The following FAM20B variants were observed in gnomAD, a reference collection of about 807,000 sequenced individuals.
FAM20B encodes glycosaminoglycan xylosylkinase.
Under a neutral mutation model 43.8 loss-of-function variants are expected in FAM20B, and 23 were observed. The observed-to-expected ratio is 0.53, with a 90% CI of 0.38 to 0.74. The LOEUF is 0.74. Ranked by LOEUF, FAM20B falls within the 30% of genes least tolerant of loss-of-function variation. FAM20B has a pLI of 0.00. For synonymous variants in FAM20B, 178 were observed against 192.4 expected (o/e 0.93, Z 0.62); for missense variants, 440 against 510.5 (o/e 0.86, Z 1.33).
the FAM20B span, among the ~76,000 whole-genome samples, chr1:179,020,487 T>C: frequency 2.0e-5 from 3 of 152,170 alleles, no homozygotes; most frequent in African/African-American, 7.2e-5. Context: ...CTACAGAAGG[T>C]TACCAAAAGA....
At chr1:179,042,604 C>T (rs755452313) in intron 1 of FAM20B, among the ~76,000 whole-genome samples, 1 of 152,178 alleles carries the variant, frequency 6.6e-6, no homozygotes, top group Non-Finnish European at 1.5e-5. Flanking sequence ...TGCATTACAG[C>T]TCTTTCAGTC....
chr1:179,069,991 T>A (rs1651845728), intron 7 of FAM20B, among the ~76,000 whole-genome samples: 1 of 152,200 alleles, frequency 6.6e-6, no homozygotes, highest in African/African-American at 2.4e-5. Flanking sequence ...GTTGGTGTCT[T>A]AGTTCGTTTT....
chr1:179,044,063 T>G lies in FAM20B; in HGVS notation c.216T>G (p.Val72=). The G allele has an allele frequency of 6.2e-7, 1 of 1,614,070 alleles. No individual in the cohort carries two copies. Among genetic ancestry groups the G allele is most frequent in the Non-Finnish European group, 8.5e-7 (1 of 1,180,014 alleles). The change falls in exon 2 of 8, where the codon GTT becomes GTG. Residue 72 remains valine (V), a synonymous_variant. Coordinates refer to ENST00000263733, the MANE Select transcript of FAM20B (RefSeq NM_014864.4). ...GGGAGATTGCAGCCCAGTGGGTGGT[T>G]CCCCGGGAAGTGTACCCTGAAGAGA... ...SPWEIAAQWV[V]PREVYPEETP... is the part of the protein sequence containing the mutation.
At chr1:179,030,161 T>G (rs1228784868) in intron 1 of FAM20B, among the ~76,000 whole-genome samples, 1 of 152,206 alleles carries the variant, frequency 6.6e-6, no homozygotes, top group Non-Finnish European at 1.5e-5. Flanking sequence ...CTACCTGCTC[T>G]TCTCCAAGTT....
At chr1:179,053,064 G>A (rs964507245) in intron 3 of FAM20B, among the ~76,000 whole-genome samples, 2 of 152,136 alleles carry the variant, frequency 1.3e-5, no homozygotes, top group African/African-American at 4.8e-5. Context: ...GTGTACTTTT[G>A]ATGTTAACTA....
At chr1:179,038,931 ACT>A (rs1650362901) in intron 1 of FAM20B, among the ~76,000 whole-genome samples, 1 of 152,242 alleles carries the variant, frequency 6.6e-6, no homozygotes, top group Non-Finnish European at 1.5e-5. Context: ...GTGGTTAATC[ACT>A]GAGAATAAAC....
intron 7 of FAM20B, among the ~76,000 whole-genome samples, chr1:179,068,499 G>A (rs893284855): frequency 6.6e-5 from 10 of 151,886 alleles, no homozygotes; most frequent in Non-Finnish European, 1.0e-4. Context: ...ACAGTGGCGC[G>A]ATCTCGGCTC....
chr1:179,064,578 A>C, intron 6 of FAM20B, 82 bp downstream of exon 6: 1 of 1,115,518 alleles, frequency 9.0e-7, no homozygotes, highest in Non-Finnish European at 1.3e-6. Context: ...CCTGGAGAAT[A>C]TCCAGAATGC....
intron 4 of FAM20B, among the ~76,000 whole-genome samples, chr1:179,061,384 A>G (rs1045347179): frequency 1.3e-5 from 2 of 151,024 alleles, no homozygotes; most frequent in Non-Finnish European, 2.9e-5. Flanking sequence ...CTCTCTCAGC[A>G]GTATCACCAA....
intron 2 of FAM20B, among the ~76,000 whole-genome samples, chr1:179,047,966 G>C (rs968895654): frequency 6.6e-6 from 1 of 152,168 alleles, no homozygotes; most frequent in Admixed American, 6.5e-5. Context: ...AACATTTCTG[G>C]AGCCTGATTA....
rs185480550 is a variant in FAM20B at position 179,067,503 on chromosome 1, T to G, written c.998+644T>G. Among the ~76,000 whole-genome samples, 3 of 151,878 alleles carry G rather than the reference T, an allele frequency of 2.0e-5. No homozygotes were observed. In the East Asian group the frequency reaches 5.8e-4, roughly 29 times the overall value. ...ACCAGTATTCCAGCTACTTAGGAGG[T>G]TGAGACAGGAGAATTGCTTGAACCT... is the stretch of plus-strand genomic sequence containing the variant. On this transcript the variant is annotated intron_variant, in intron 7 of 7. Coordinates refer to ENST00000263733, the MANE Select transcript of FAM20B (RefSeq NM_014864.4).
upstream of FAM20B, among the ~76,000 whole-genome samples, chr1:179,022,043 T>C (rs1248939281): frequency 6.6e-6 from 1 of 152,234 alleles, no homozygotes; most frequent in Non-Finnish European, 1.5e-5. Context: ...TTTGCTCAGA[T>C]GGCATTGACA....
At chr1:179,052,928 TAA>T (rs923181256) in intron 3 of FAM20B, among the ~76,000 whole-genome samples, 6 of 152,230 alleles carry the variant, frequency 3.9e-5, no homozygotes, top group African/African-American at 1.4e-4. Context: ...CCCAACACAC[TAA>T]GTTTTGTTGA....
Position 179,063,908 on chromosome 1 carries a change from G to T in FAM20B, c.575-19G>T, listed in dbSNP as rs769710644. The T allele has an allele frequency of 1.2e-5, 19 of 1,577,120 alleles. No individual in the cohort carries two copies. The highest frequency in any genetic ancestry group is 1.7e-4 in the Middle Eastern group (1 of 5,884). On this transcript the variant is annotated intron_variant, in intron 4 of 7. Transcript: ENST00000263733. ...TTCGTTATTTCCTTAAGTGTATTTG[G>T]CTCCTTTCTGTCCTTTAGGAAACAA...
chr1:179,026,762 G>C (rs553131269), intron 1 of FAM20B, among the ~76,000 whole-genome samples: 3 of 152,356 alleles, frequency 2.0e-5, no homozygotes, highest in African/African-American at 7.2e-5. Flanking sequence ...ACGGCCCCGC[G>C]ATTAAGAGCG....
chr1:179,056,449 A>G (rs758384828), intron 4 of FAM20B, among the ~76,000 whole-genome samples: 2 of 152,162 alleles, frequency 1.3e-5, no homozygotes, highest in African/African-American at 2.4e-5. Flanking sequence ...AGATTCCTCC[A>G]TGTCTTTTCA....
chr1:179,042,837 G>A (rs543194317), intron 1 of FAM20B, among the ~76,000 whole-genome samples: 1 of 152,302 alleles, frequency 6.6e-6, no homozygotes, highest in Non-Finnish European at 1.5e-5. Context: ...CCGGATATCT[G>A]TTTGAGTCTG....
chr1:179,063,984 G>T lies in FAM20B; in HGVS notation c.632G>T (p.Cys211Phe). The change falls in exon 5 of 8, where the codon TGT (cysteine) becomes TTT (phenylalanine). Residue 211 changes from cysteine to phenylalanine, a missense_variant. Cys to Phe is a radical substitution (Grantham distance 205). Transcript: ENST00000263733. ...CYYCRETEPA[C>F]ADGDIMEGSV... Reference sequence around the variant, plus strand: ...TACTGCCGAGAAACAGAACCAGCTTGTGCTGATGGAGACATAATGGAGGGA... The same window carrying T: ...TACTGCCGAGAAACAGAACCAGCTTTTGCTGATGGAGACATAATGGAGGGA... 8 of 1,613,942 alleles carry T rather than the reference G, an allele frequency of 5.0e-6. No homozygotes were observed. The highest frequency in any genetic ancestry group is 6.8e-6 in the Non-Finnish European group (8 of 1,179,882).
In FAM20B at chr1:179,074,086, A is replaced by G. The variant is rs1652041637; in HGVS notation, c.*1942A>G. 1 of 152,708 alleles carries G rather than the reference A, an allele frequency of 6.5e-6. No homozygotes were observed. 9.5% of individuals were successfully genotyped at this position (152,708 alleles called of 1,614,324 possible). ...TAGAATTTATGCCCAGTTTTCTTGCATTGAAAGATAACTGAGTAATAACCT... is the reference window on the plus strand; with the variant it reads ...TAGAATTTATGCCCAGTTTTCTTGCGTTGAAAGATAACTGAGTAATAACCT... On this transcript the variant is annotated 3_prime_UTR_variant, in exon 8 of 8. Coordinates refer to ENST00000263733, the MANE Select transcript of FAM20B (RefSeq NM_014864.4).
Sources: allele counts gnomAD v4.1 joint callset (sites outside exome capture counted in the v4.1 genomes callset), GRCh38; gene constraint gnomAD v4.1.1; transcripts MANE v1.5; gene names NCBI Gene and HGNC (gene_info 2026-07-23, HGNC 2026-07-21).